The following GSDMC variants were observed in gnomAD, a reference collection of about 807,000 sequenced individuals.
The protein encoded by GSDMC is gasdermin C.
A neutral mutation model predicts 58.0 loss-of-function variants in GSDMC; 59 were observed. The ratio of observed to expected loss-of-function variants is 1.02; its 90% CI spans 0.82 to 1.26. GSDMC has a LOEUF of 1.26. GSDMC is among the 50% of genes most tolerant of loss of function. The pLI is 0.00. For missense variants in GSDMC, 659 were observed against 598.5 expected, an observed-to-expected ratio of 1.10 and a Z score of -1.06; for synonymous variants, 241 against 220.2, an observed-to-expected ratio of 1.09 and a Z score of -0.83.
the GSDMC span, among the ~76,000 whole-genome samples, chr8:129,723,305 A>G: frequency 6.6e-6 from 1 of 151,500 alleles, no homozygotes; most frequent in Non-Finnish European, 1.5e-5. Flanking sequence ...CAGTGGCATG[A>G]TCTCGGCTCA....
rs141144013 is a variant in GSDMC at position 129,776,246 on chromosome 8, A to G, written c.260T>C (p.Met87Thr). Residue 87 changes from methionine to threonine, a missense_variant, in exon 3 of 14, where the codon ATG becomes ACG. Physicochemically the swap from Met to Thr is moderately conservative, Grantham distance 81. Transcript: ENST00000276708. ...CATGTCAGCCTTATGCTTCTGGATCATAATGTCACTGAAGTGGAACGGTCC... is the reference window on the plus strand; with the variant it reads ...CATGTCAGCCTTATGCTTCTGGATCGTAATGTCACTGAAGTGGAACGGTCC... The part of the protein sequence containing the change: ...VTGPFHFSDI[M>T]IQKHKADMGV... 4.5e-5 allele frequency: 73 copies of G among 1,613,506 alleles called. No individual in the cohort carries two copies. The highest frequency in any genetic ancestry group is 6.0e-5 in the Non-Finnish European group (71 of 1,179,750).
the GSDMC span, among the ~76,000 whole-genome samples, chr8:129,735,372 C>T: frequency 2.6e-5 from 4 of 152,180 alleles, no homozygotes; most frequent in African/African-American, 4.8e-5. Context: ...AGCACCACAT[C>T]GCACTTATTC....
Position 129,752,121 on chromosome 8 carries a change from T to C in GSDMC, c.871A>G (p.Ser291Gly), listed in dbSNP as rs529616613. 1.3e-5 allele frequency: 21 copies of C among 1,613,404 alleles called. No individual in the cohort carries two copies. The South Asian group carries it at 1.9e-4, about 14-fold the overall frequency. Residue 291 changes from serine to glycine, a missense_variant, in exon 8 of 14, where the codon AGC becomes GGC. Ser to Gly is a moderately conservative substitution (Grantham distance 56). Coordinates refer to ENST00000276708, the MANE Select transcript of GSDMC (RefSeq NM_031415.3). ...PELFLTQQFL[S>G]GHLPKYEQVH... Reference sequence around the variant, plus strand: ...TTCCACTCACTTGGCAAATGCCCGCTCAAAAATTGCTGTGTCAGAAATAGC... The same window carrying C: ...TTCCACTCACTTGGCAAATGCCCGCCCAAAAATTGCTGTGTCAGAAATAGC...
At chr8:129,751,840 C>T (rs776153954) in intron 9 of GSDMC, 22 bp downstream of exon 9, 1 of 1,594,804 alleles carries the variant, frequency 6.3e-7, no homozygotes, top group South Asian at 1.1e-5. Context: ...CCCACCCCCA[C>T]CTCCAGCAAA....
intron 10 of GSDMC, among the ~76,000 whole-genome samples, 187 bp downstream of exon 10, chr8:129,751,355 A>G (rs945707029): frequency 6.6e-6 from 1 of 152,056 alleles, no homozygotes; most frequent in Admixed American, 6.6e-5. Flanking sequence ...TCACAGCCAT[A>G]ACTTTCAGGT....
chr8:129,707,624 C>T, the GSDMC span, among the ~76,000 whole-genome samples: 1 of 152,118 alleles, frequency 6.6e-6, no homozygotes, highest in African/African-American at 2.4e-5. Context: ...ATGGAAACAG[C>T]TCAAAGCTAT....
chr8:129,748,430 C>A lies in GSDMC; in HGVS notation c.*71G>T. 6.8e-7 allele frequency: 1 copy of A among 1,476,000 alleles called. No individual in the cohort carries two copies. The highest frequency in any genetic ancestry group is 1.4e-5 in the South Asian group (1 of 72,314). 91.4% of individuals were successfully genotyped at this position (1,476,000 alleles called of 1,614,324 possible). On this transcript the variant is annotated 3_prime_UTR_variant, in exon 14 of 14. Coordinates refer to ENST00000276708, the MANE Select transcript of GSDMC (RefSeq NM_031415.3). ...AGAGGCACAGCCCTATCTCTTGCAC[C>A]CATAAGGACACTCACAGCATAGACT...
At chr8:129,740,980 T>TA in the GSDMC span, among the ~76,000 whole-genome samples, 3 of 152,204 alleles carry the variant, frequency 2.0e-5, no homozygotes, top group South Asian at 6.2e-4. Flanking sequence ...TTTCAAGTCT[T>TA]ACGTTTAAGT....
At chr8:129,750,388 T>C in intron 11 of GSDMC, 43 bp downstream of exon 11, 2 of 1,585,186 alleles carry the variant, frequency 1.3e-6, no homozygotes, top group South Asian at 2.3e-5. Flanking sequence ...ACCAATCCCA[T>C]TTACAGCTTT....
At chr8:129,756,591 G>T (rs759852207) in intron 6 of GSDMC, among the ~76,000 whole-genome samples, 2 of 152,110 alleles carry the variant, frequency 1.3e-5, no homozygotes, top group Non-Finnish European at 2.9e-5. Flanking sequence ...TCTAAAGGCT[G>T]CAGAATACAC....
intron 2 of GSDMC, among the ~76,000 whole-genome samples, chr8:129,776,998 G>C (rs1009395121): frequency 6.6e-6 from 1 of 151,284 alleles, no homozygotes; most frequent in Non-Finnish European, 1.5e-5. Context: ...TCGAACTCCT[G>C]GCCTCAAGTG....
At chr8:129,729,545 G>A in the GSDMC span, among the ~76,000 whole-genome samples, 1 of 152,000 alleles carries the variant, frequency 6.6e-6, no homozygotes, top group African/African-American at 2.4e-5. Context: ...CCACCTGTAA[G>A]TGAGAACATG....
the GSDMC span, among the ~76,000 whole-genome samples, chr8:129,726,572 G>A: frequency 6.6e-6 from 1 of 152,184 alleles, no homozygotes; most frequent in African/African-American, 2.4e-5. Context: ...CCAGAAAGAT[G>A]TGATCGGATA....
At chr8:129,736,656 A>G in the GSDMC span, among the ~76,000 whole-genome samples, 1 of 152,216 alleles carries the variant, frequency 6.6e-6, no homozygotes, top group Non-Finnish European at 1.5e-5. Flanking sequence ...AATAAGAGCT[A>G]TTTATGACAA....
chr8:129,770,912 C>T (rs1224007171), intron 3 of GSDMC, among the ~76,000 whole-genome samples: 3 of 151,680 alleles, frequency 2.0e-5, no homozygotes, highest in Admixed American at 2.0e-4. Context: ...TAAGGACACA[C>T]AGGCTGAAAG....
the GSDMC span, among the ~76,000 whole-genome samples, chr8:129,728,361 G>C: frequency 4.7e-4 from 71 of 152,168 alleles, 1 homozygote; most frequent in Middle Eastern, 6.8e-3. Context: ...GCGGATCTCC[G>C]GGCATCTGGA....
At chr8:129,746,792 C>T (rs5006712), downstream of GSDMC, among the ~76,000 whole-genome samples, 78,611 of 152,008 alleles carry the variant, frequency 0.52, 21,859 homozygotes, top group African/African-American at 0.71. Context: ...GTGTTACCTG[C>T]TACCTAAAAA....
intron 1 of GSDMC, among the ~76,000 whole-genome samples, chr8:129,780,058 G>C (rs907393062): frequency 2.0e-5 from 3 of 152,090 alleles, no homozygotes; most frequent in Admixed American, 6.6e-5. Flanking sequence ...TTGAAAGCAG[G>C]CTATTTGAAA....
chr8:129,760,719 T>G (rs1285311386), intron 5 of GSDMC, 130 bp from the exon 6 acceptor site: 4 of 575,374 alleles, frequency 7.0e-6, no homozygotes, highest in Non-Finnish European at 1.3e-5. Flanking sequence ...ACTCTGTGCC[T>G]TCTGAATCAC....
Sources: allele counts gnomAD v4.1 joint callset (sites outside exome capture counted in the v4.1 genomes callset), GRCh38; gene constraint gnomAD v4.1.1; transcripts MANE v1.5; gene names NCBI Gene and HGNC (gene_info 2026-07-23, HGNC 2026-07-21).